Variants in ABCA3 observed in about 807,000 individuals in gnomAD.
ABCA3 encodes ATP binding cassette subfamily A member 3.
In ABCA3, 88 loss-of-function variants were observed where a neutral mutation model predicts 172.8. The ratio of observed to expected loss-of-function variants is 0.51; its 90% CI spans 0.43 to 0.61. The LOEUF (loss-of-function observed/expected upper bound fraction) is 0.61. Among genes scored for constraint, ABCA3 ranks in the 20% least tolerant of loss-of-function variants. The pLI, the probability that ABCA3 is intolerant of heterozygous loss-of-function variation, is 0.00. For missense variants in ABCA3, 2,164 were observed against 2,301.0 expected (o/e 0.94, Z 1.22); for synonymous variants, 1,066 against 983.8 (o/e 1.08, Z -1.56).
Position 2,279,258 on chromosome 16 carries a change from C to T in ABCA3, c.4360-128G>A, listed in dbSNP as rs2093651544. 1.8e-6 allele frequency: 2 copies of T among 1,132,616 alleles called. No homozygotes were observed. The highest frequency in any genetic ancestry group is 2.8e-5 in the South Asian group (2 of 72,046). The allele number at this position is 1,132,616 out of a possible 1,614,324, so 70.2% of individuals were successfully genotyped here. On this transcript the variant is annotated intron_variant, in intron 28 of 32. Coordinates refer to ENST00000301732, the MANE Select transcript of ABCA3 (RefSeq NM_001089.3). The surrounding 1 kb of genome is among the most constrained non-coding windows in gnomAD (Gnocchi z 4.4). Reference sequence around the variant, plus strand: ...TCTGTGGTTCCTGCCAGTGTGTGTACACGGGGGCGCTGGAGCTATGCACAG... The same window carrying T: ...TCTGTGGTTCCTGCCAGTGTGTGTATACGGGGGCGCTGGAGCTATGCACAG...
Position 2,278,662 on chromosome 16 carries a change from C to T in ABCA3, c.4548-204G>A, listed in dbSNP as rs112218310. Among the ~76,000 whole-genome samples the T allele has an allele frequency of 2.0e-5, 3 of 152,284 alleles. No homozygotes were observed. The highest frequency in any genetic ancestry group is 4.8e-5 in the African/African-American group (2 of 41,548). ...CCAGAGAAGGCTGTTCCCAGGGGCC[C>T]GGTGCACGCACCTACATGGGAAGAC... On this transcript the variant is annotated intron_variant, in intron 29 of 32. Coordinates refer to ENST00000301732, the MANE Select transcript of ABCA3 (RefSeq NM_001089.3). The surrounding 1 kb of genome is among the most constrained non-coding windows in gnomAD (Gnocchi z 4.4).
rs974323224 is a variant in ABCA3, at chr16:2,278,482, G to C, written c.4548-24C>G. On this transcript the variant is annotated intron_variant, in intron 29 of 32. Coordinates refer to ENST00000301732, the MANE Select transcript of ABCA3 (RefSeq NM_001089.3). The surrounding 1 kb of genome is among the most constrained non-coding windows in gnomAD (Gnocchi z 4.4). ...CACTAGAGGCAGGAGGGTGCCAGGT[G>C]GGGGAATAAGGCTGAGAGTTAGCAT... 3 of 1,607,762 alleles carry C rather than the reference G, an allele frequency of 1.9e-6. No homozygotes were observed. The highest frequency in any genetic ancestry group is 1.3e-5 in the African/African-American group (1 of 75,044).
chr16:2,280,294 T>C (rs2093653046), intron 28 of ABCA3, among the ~76,000 whole-genome samples: 1 of 152,266 alleles, frequency 6.6e-6, no homozygotes, highest in South Asian at 2.1e-4. Context: ...ATGATGCAGA[T>C]CTAACGCCTA....
chr16:2,329,384 C>T (rs971275804), intron 2 of ABCA3, among the ~76,000 whole-genome samples: 5 of 152,098 alleles, frequency 3.3e-5, no homozygotes, highest in African/African-American at 1.2e-4. Context: ...GCCATCATCC[C>T]GGGGAAGTAC....
At chr16:2,324,764 T>G (rs1428595352) in intron 5 of ABCA3, among the ~76,000 whole-genome samples, 2 of 152,132 alleles carry the variant, frequency 1.3e-5, no homozygotes, top group Non-Finnish European at 2.9e-5. Flanking sequence ...GCGGGTTTTT[T>G]GGAGCAGAGC....
intron 10 of ABCA3, among the ~76,000 whole-genome samples, chr16:2,312,763 C>T (rs1345323012): frequency 6.6e-6 from 1 of 151,964 alleles, no homozygotes; most frequent in Non-Finnish European, 1.5e-5. Flanking sequence ...AACTCCTGAC[C>T]TCAGGTGATC....
At position 2,326,013 on chromosome 16, in the gene ABCA3, G is replaced by C. The variant is rs1278044377; in HGVS notation, c.316C>G (p.Arg106Gly). 2.5e-6 allele frequency: 4 copies of C among 1,613,534 alleles called. No individual in the cohort carries two copies. ...TVRRALVINM[R>G]VRGFPSEKDF... ...CGAGAGCCCCGGCATGTCTCACCTCGCATGTTGATCACAAGTGCCCTGCGC... is the reference window on the plus strand; with the variant it reads ...CGAGAGCCCCGGCATGTCTCACCTCCCATGTTGATCACAAGTGCCCTGCGC... Residue 106 changes from arginine to glycine, a missense_variant, in exon 5 of 33, where the codon CGA (arginine) becomes GGA (glycine). Physicochemically the swap from Arg to Gly is moderately radical, Grantham distance 125. Coordinates refer to ENST00000301732, the MANE Select transcript of ABCA3 (RefSeq NM_001089.3).
Position 2,286,705 on chromosome 16 carries a change from G to A in ABCA3, c.3267C>T (p.Asp1089=), listed in dbSNP as rs2093663696. 1 of 1,613,444 alleles carries A rather than the reference G, an allele frequency of 6.2e-7. No homozygotes were observed. The highest frequency in any genetic ancestry group is 8.5e-7 in the Non-Finnish European group (1 of 1,179,886). ...QPRSALQAAK[D]QFNEGRKGFD... ...GGCAGTGCACATACTCGTTAAACTG[G>A]TCCTTGGCAGCCTGCAGGGCGCTCC... Residue 1089 remains aspartate (D), a synonymous_variant, in exon 22 of 33, where the codon GAC becomes GAT. Transcript: ENST00000301732. This position sits in a 1 kb window ranked among gnomAD's most constrained non-coding sequence, Gnocchi z 5.2.
At position 2,285,818 on chromosome 16, in the gene ABCA3, C is replaced by A. The variant is rs1016415299; in HGVS notation, c.3279-172G>T. Reference sequence around the variant, plus strand: ...CCATACCGGGAACATCTGCCCCCACCGGAGAACGGTTCCTCTGGAATTCCT... The same window carrying A: ...CCATACCGGGAACATCTGCCCCCACAGGAGAACGGTTCCTCTGGAATTCCT... On this transcript the variant is annotated intron_variant, in intron 22 of 32. Coordinates refer to ENST00000301732, the MANE Select transcript of ABCA3 (RefSeq NM_001089.3). This position sits in a 1 kb window ranked among gnomAD's most constrained non-coding sequence, Gnocchi z 4.7. Among the ~76,000 whole-genome samples, 1 of 152,150 alleles carries A rather than the reference C, an allele frequency of 6.6e-6. No homozygotes were observed. The highest frequency in any genetic ancestry group is 1.5e-5 in the Non-Finnish European group (1 of 68,014).
intron 1 of ABCA3, among the ~76,000 whole-genome samples, chr16:2,340,234 G>A (rs1337021002): frequency 6.6e-6 from 1 of 152,164 alleles, no homozygotes; most frequent in African/African-American, 2.4e-5. Flanking sequence ...CGCACACAGA[G>A]GGCCCGGGCC....
chr16:2,302,553 A>G (rs2093691192), intron 12 of ABCA3, among the ~76,000 whole-genome samples: 1 of 151,452 alleles, frequency 6.6e-6, no homozygotes, highest in Non-Finnish European at 1.5e-5. Context: ...TGGTGTGAAC[A>G]TGGCTCACTG....
At position 2,278,233 on chromosome 16, in the gene ABCA3, C is replaced by T; in HGVS notation, c.4718+55G>A. The T allele has an allele frequency of 6.2e-7, 1 of 1,602,170 alleles. No homozygotes were observed. Among genetic ancestry groups the T allele is most frequent in the East Asian group, 2.2e-5 (1 of 44,866 alleles). On this transcript the variant is annotated intron_variant, in intron 30 of 32. Transcript: ENST00000301732. The surrounding 1 kb of genome is among the most constrained non-coding windows in gnomAD (Gnocchi z 4.4). ...GATGGGTCTCCTGGCCACCTGGCTC[C>T]TCCATGGCCCACCCGGTGCTGAAAC...
intron 1 of ABCA3, chr16:2,332,377 G>A (rs1173181580): frequency 2.2e-6 from 2 of 917,772 alleles, no homozygotes; most frequent in Non-Finnish European, 3.6e-6. Context: ...GGACTCGCAG[G>A]GACGGGGATC....
At chr16:2,289,146 C>T (rs567819085) in intron 20 of ABCA3, 6 of 472,954 alleles carry the variant, frequency 1.3e-5, no homozygotes, top group Non-Finnish European at 2.3e-5. Context: ...ACCTCCGTGT[C>T]GTTGGCTGCT....
At position 2,287,027 on chromosome 16, in the gene ABCA3, C is replaced by T; in HGVS notation, c.3005-60G>A. The T allele has an allele frequency of 6.4e-7, 1 of 1,570,238 alleles. No homozygotes were observed. On this transcript the variant is annotated intron_variant, in intron 21 of 32. Coordinates refer to ENST00000301732, the MANE Select transcript of ABCA3 (RefSeq NM_001089.3). This position sits in a 1 kb window ranked among gnomAD's most constrained non-coding sequence, Gnocchi z 4.1. The stretch of plus-strand genomic sequence containing the variant: ...AGAGGTGACACCTGGGCACCCCCTG[C>T]CACCTGAGCATGGCTAATCAGGGAC...
Position 2,287,176 on chromosome 16 carries a change from A to G in ABCA3, c.3005-209T>C, listed in dbSNP as rs1185841093. Among the ~76,000 whole-genome samples, 1 of 152,176 alleles carries G rather than the reference A, an allele frequency of 6.6e-6. No homozygotes were observed. Among genetic ancestry groups the G allele is most frequent in the Non-Finnish European group, 1.5e-5 (1 of 68,020 alleles). On this transcript the variant is annotated intron_variant, in intron 21 of 32. Transcript: ENST00000301732. The surrounding 1 kb of genome is among the most constrained non-coding windows in gnomAD (Gnocchi z 4.1). ...GTGGAACTTTGAATGCCAGTCAGGA[A>G]CCGGGAAAGGAGCTGCAAAATAAGA...
Position 2,317,370 on chromosome 16 carries a change from C to T in ABCA3, c.1024G>A (p.Asp342Asn), listed in dbSNP as rs148726153. 52 of 1,613,812 alleles carry T rather than the reference C, an allele frequency of 3.2e-5. No individual in the cohort carries two copies. The highest frequency in any genetic ancestry group is 8.3e-5 in the Admixed American group (5 of 60,002). The change falls in exon 10 of 33, where the codon GAC (aspartate) becomes AAC (asparagine). Residue 342 changes from aspartate (D) to asparagine (N), a missense_variant. Asp to Asn is a conservative substitution (Grantham distance 23). Coordinates refer to ENST00000301732, the MANE Select transcript of ABCA3 (RefSeq NM_001089.3). The stretch of plus-strand genomic sequence containing the variant: ...AGGAAGGCGAGCACCAGGGAGGGGT[C>T]GCTGCGGGACAGCACGGCTACATTT... The part of the protein sequence containing the change: ...KPNVAVLSRS[D>N]PSLVLAFLLC...
At chr16:2,325,194 G>A (rs577786180) in intron 5 of ABCA3, among the ~76,000 whole-genome samples, 36 of 152,268 alleles carry the variant, frequency 2.4e-4, no homozygotes, top group Non-Finnish European at 8.8e-5. Flanking sequence ...CCAAAACCAC[G>A]TCCCAGAAAA....
intron 18 of ABCA3, among the ~76,000 whole-genome samples, chr16:2,294,545 G>A (rs1314643763): frequency 6.6e-6 from 1 of 152,042 alleles, no homozygotes; most frequent in Non-Finnish European, 1.5e-5. Context: ...AAAACTAGCC[G>A]GACATGTTGA....
Sources: allele counts gnomAD v4.1 joint callset (sites outside exome capture counted in the v4.1 genomes callset), GRCh38; gene constraint gnomAD v4.1.1; non-coding constraint Gnocchi (gnomAD v3.1); transcripts MANE v1.5; gene names NCBI Gene and HGNC (gene_info 2026-07-23, HGNC 2026-07-21).